HOXC4: variants seen among roughly 807,000 people sequenced by gnomAD.
HOXC4 encodes the protein homeobox protein Hox-C4.
HOXC4 carries 15 observed loss-of-function variants against 25.5 expected under a neutral mutation model. The observed-to-expected ratio is 0.59, with a 90% CI of 0.39 to 0.91. HOXC4 has a LOEUF of 0.91. Among genes scored for constraint, HOXC4 ranks in the 40% least tolerant of loss-of-function variants. HOXC4 has a pLI of 0.00. For missense variants in HOXC4, 342 were observed against 352.4 expected, an observed-to-expected ratio of 0.97 and a Z score of 0.24; for synonymous variants, 165 against 148.0, an observed-to-expected ratio of 1.11 and a Z score of -0.83.
intron 1 of HOXC4, chr12:54,020,844 C>G (rs1388256408): frequency 2.0e-5 from 3 of 152,184 alleles, no homozygotes; most frequent in Non-Finnish European, 2.9e-5. Flanking sequence ...GCTTTTGTTG[C>G]CCAAGCAGCT....
upstream of HOXC4, among the ~76,000 whole-genome samples, chr12:54,048,840 C>T (rs1448522330): frequency 1.3e-5 from 2 of 152,294 alleles, no homozygotes; most frequent in African/African-American, 4.8e-5. Context: ...TAACCTAAGG[C>T]CAGCCTGATT....
upstream of HOXC4, among the ~76,000 whole-genome samples, chr12:54,051,545 C>T (rs1280396806): frequency 2.0e-5 from 3 of 152,228 alleles, no homozygotes; most frequent in Middle Eastern, 3.2e-3. Context: ...CAGAGAGTTC[C>T]GGACAAGAGT....
chr12:54,034,180 C>A, intron 1 of HOXC4: 1 of 1,191,916 alleles, frequency 8.4e-7, no homozygotes, highest in Non-Finnish European at 1.2e-6. Flanking sequence ...CGCCTCCTCT[C>A]CCTCCGGCCG....
chr12:54,031,863 C>T (rs1272376122), intron 1 of HOXC4, among the ~76,000 whole-genome samples: 1 of 152,204 alleles, frequency 6.6e-6, no homozygotes, highest in Non-Finnish European at 1.5e-5. Context: ...CTGCCCTGCC[C>T]ACCCCCCAGG....
chr12:54,045,472 A>C (rs1446040715), intron 1 of HOXC4, among the ~76,000 whole-genome samples: 1 of 152,210 alleles, frequency 6.6e-6, no homozygotes, highest in East Asian at 1.9e-4. Context: ...GTGTGTGTTC[A>C]ATGTCTATTT....
intron 1 of HOXC4, among the ~76,000 whole-genome samples, chr12:54,017,925 G>A (rs1216047931): frequency 6.6e-6 from 1 of 152,114 alleles, no homozygotes; most frequent in Non-Finnish European, 1.5e-5. Context: ...CTCCCAGAGA[G>A]CGCGACTGCT....
chr12:54,032,826 TTC>T (rs371880329), intron 1 of HOXC4: 1 of 154,688 alleles, frequency 6.5e-6, no homozygotes, highest in Admixed American at 6.8e-5. Context: ...CCTTCCCTCT[TTC>T]TCTCTCTCAC....
chr12:54,019,752 G>A (rs1454985572), intron 1 of HOXC4, among the ~76,000 whole-genome samples: 1 of 152,116 alleles, frequency 6.6e-6, no homozygotes, highest in Non-Finnish European at 1.5e-5. Context: ...TACCCACAGC[G>A]AGATTTGGAG....
chr12:54,043,792 C>T (rs530123826), intron 1 of HOXC4, among the ~76,000 whole-genome samples: 1 of 152,124 alleles, frequency 6.6e-6, no homozygotes, highest in South Asian at 2.1e-4. Context: ...TGATCTAATC[C>T]CCCTCTCCTT....
chr12:54,034,809 G>A (rs1941139260), intron 1 of HOXC4: 4 of 344,128 alleles, frequency 1.2e-5, no homozygotes, highest in South Asian at 6.1e-5. Flanking sequence ...GGCCTGGGCC[G>A]TATCTCCGGC....
At chr12:54,036,675 GCTCTCT>G (rs34092231) in intron 1 of HOXC4, among the ~76,000 whole-genome samples, 1 of 150,400 alleles carries the variant, frequency 6.6e-6, no homozygotes, top group African/African-American at 2.4e-5. Flanking sequence ...CCAGACCAGT[GCTCTCT>G]CTCTCTCTCT....
chr12:54,025,837 C>G lies in HOXC4; in HGVS notation c.-124+8423C>G, dbSNP rs10876527. Among the ~76,000 whole-genome samples the G allele has an allele frequency of 0.016, 2,440 of 152,212 alleles. 170 individuals are homozygous for G. In the East Asian group the frequency reaches 0.2, roughly 12 times the overall value. On this transcript the variant is annotated intron_variant, in intron 1 of 3. Transcript: ENST00000303406. ...CCCAACTTTGGGGCCCCTTTCCTCTCCAGACATGGTTGAGGAGGGGCTCAA... is the reference window on the plus strand; with the variant it reads ...CCCAACTTTGGGGCCCCTTTCCTCTGCAGACATGGTTGAGGAGGGGCTCAA...
At chr12:54,023,548 G>A (rs1396971342) in intron 1 of HOXC4, among the ~76,000 whole-genome samples, 2 of 152,112 alleles carry the variant, frequency 1.3e-5, no homozygotes, top group Non-Finnish European at 2.9e-5. Flanking sequence ...AATCACCAGC[G>A]CAGGCCTTGG....
rs1451456070 is a variant in HOXC4 at position 54,054,033 on chromosome 12, C to T, written c.111C>T (p.Tyr37=). The change falls in exon 1 of 2, where the codon TAC becomes TAT. Residue 37 remains tyrosine (Y), a synonymous_variant. Coordinates refer to ENST00000430889, the MANE Select transcript of HOXC4 (RefSeq NM_153633.3). ...TCCCTGAACACAGTCCGGAATATTA[C>T]GGCCGGACCAGGGAATCGGGATTCC... ...SYIPEHSPEY[Y]GRTRESGFQH... The T allele has an allele frequency of 5.0e-6, 8 of 1,613,380 alleles. No individual in the cohort carries two copies. Among genetic ancestry groups the T allele is most frequent in the East Asian group, 2.2e-5 (1 of 44,904 alleles).
At chr12:54,042,563 AG>A (rs1438137901) in intron 1 of HOXC4, among the ~76,000 whole-genome samples, 1 of 152,046 alleles carries the variant, frequency 6.6e-6, no homozygotes, top group Non-Finnish European at 1.5e-5. Context: ...CTTTGGACTG[AG>A]TTTTTGAGAG....
chr12:54,050,598 G>A (rs1042517508), upstream of HOXC4, among the ~76,000 whole-genome samples: 4 of 147,352 alleles, frequency 2.7e-5, no homozygotes, highest in Admixed American at 6.9e-5. Context: ...CCCTTCCAAC[G>A]GATTTTATTT....
intron 1 of HOXC4, among the ~76,000 whole-genome samples, chr12:54,039,172 G>A (rs1941231762): frequency 6.6e-6 from 1 of 152,224 alleles, no homozygotes; most frequent in Non-Finnish European, 1.5e-5. Flanking sequence ...AAGGGGTGGG[G>A]AGCAGAGGGA....
At chr12:54,043,859 T>G (rs1941314634) in intron 1 of HOXC4, among the ~76,000 whole-genome samples, 1 of 151,640 alleles carries the variant, frequency 6.6e-6, no homozygotes, top group Non-Finnish European at 1.5e-5. Flanking sequence ...ACATTAGAGA[T>G]AAATCTTGTC....
intron 1 of HOXC4, among the ~76,000 whole-genome samples, chr12:54,024,385 G>A (rs1022478572): frequency 6.6e-6 from 1 of 151,276 alleles, no homozygotes; most frequent in Non-Finnish European, 1.5e-5. Context: ...TAGTTGCAGC[G>A]CGGCAGTCAG....
Sources: allele counts gnomAD v4.1 joint callset (sites outside exome capture counted in the v4.1 genomes callset), GRCh38; gene constraint gnomAD v4.1.1; transcripts MANE v1.5; gene names NCBI Gene and HGNC (gene_info 2026-07-23, HGNC 2026-07-21).